Variants in YEATS2 observed in about 807,000 individuals in gnomAD.
The protein encoded by YEATS2 is YEATS domain containing 2.
Under a neutral mutation model 163.2 loss-of-function variants are expected in YEATS2, and 77 were observed. That is an observed-to-expected ratio of 0.47 (90% CI 0.39 to 0.57). The LOEUF is 0.57. YEATS2 is among the 20% of genes least tolerant of loss of function. The probability of loss-of-function intolerance (pLI) is 0.00; values close to 1 mark genes in which losing one functional copy is unlikely to be tolerated. For missense variants in YEATS2, 1,549 were observed against 1,729.8 expected (o/e 0.90, Z 1.85); for synonymous variants, 631 against 645.1 (o/e 0.98, Z 0.33).
intron 9 of YEATS2, among the ~76,000 whole-genome samples, chr3:183,751,177 C>T (rs961172699): frequency 2.6e-5 from 4 of 152,100 alleles, no homozygotes; most frequent in African/African-American, 4.8e-5. Context: ...ATCCAGTTTC[C>T]CTGGCACCAT....
intron 29 of YEATS2, 149 bp downstream of exon 29, chr3:183,808,253 G>A: frequency 1.6e-6 from 1 of 638,656 alleles, no homozygotes; most frequent in Non-Finnish European, 2.6e-6. Context: ...TTGTTTTTTT[G>A]TTTTTTTTCC....
intron 11 of YEATS2, among the ~76,000 whole-genome samples, chr3:183,754,732 C>G (rs1720536883): frequency 6.6e-6 from 1 of 152,112 alleles, no homozygotes; most frequent in South Asian, 2.1e-4. Context: ...AGGCCTTTGG[C>G]ATGGAGTTAA....
intron 21 of YEATS2, chr3:183,793,063 C>T (rs748033442): frequency 2.9e-5 from 31 of 1,068,078 alleles, no homozygotes; most frequent in Admixed American, 4.8e-5. Flanking sequence ...ATAAAAATGT[C>T]GCAGCACTAT....
Position 183,810,612 on chromosome 3 carries a change from C to G in YEATS2, c.*29C>G. Reference sequence around the variant, plus strand: ...GAGTGAGGTGCCCTGGAGAAGCAGGCTTTGAAGGCACAGCGAAGCTGTAAC... The same window carrying G: ...GAGTGAGGTGCCCTGGAGAAGCAGGGTTTGAAGGCACAGCGAAGCTGTAAC... On this transcript the variant is annotated 3_prime_UTR_variant, in exon 31 of 31. Coordinates refer to ENST00000305135, the MANE Select transcript of YEATS2 (RefSeq NM_018023.5). The G allele has an allele frequency of 6.3e-7, 1 of 1,597,452 alleles. No individual in the cohort carries two copies. The highest frequency in any genetic ancestry group is 8.6e-7 in the Non-Finnish European group (1 of 1,165,658).
chr3:183,705,777 C>T (rs950384996), intron 1 of YEATS2, among the ~76,000 whole-genome samples: 5 of 152,134 alleles, frequency 3.3e-5, no homozygotes, highest in African/African-American at 4.8e-5. Context: ...CAGTGGCTCA[C>T]GCCTCTAATC....
At chr3:183,713,253 A>G (rs1187440494) in intron 1 of YEATS2, among the ~76,000 whole-genome samples, 1 of 152,252 alleles carries the variant, frequency 6.6e-6, no homozygotes, top group South Asian at 2.1e-4. Flanking sequence ...GGTTTCACCC[A>G]TTTCACTTCC....
chr3:183,721,233 T>C (rs1481506171), intron 4 of YEATS2, among the ~76,000 whole-genome samples: 1 of 152,224 alleles, frequency 6.6e-6, no homozygotes, highest in African/African-American at 2.4e-5. Context: ...TCAAGAACTT[T>C]GTTGCTTTGA....
At chr3:183,790,739 C>A in intron 20 of YEATS2, 58 bp from the exon 21 acceptor site, 1 of 1,576,368 alleles carries the variant, frequency 6.3e-7, no homozygotes, top group South Asian at 1.1e-5. Flanking sequence ...TCACCGCCGT[C>A]AGTCATCACT....
At chr3:183,729,609 C>T (rs751013550) in intron 7 of YEATS2, among the ~76,000 whole-genome samples, 1 of 152,030 alleles carries the variant, frequency 6.6e-6, no homozygotes, top group Admixed American at 6.6e-5. Flanking sequence ...GTGATTATTT[C>T]ACCAAGATGG....
intron 1 of YEATS2, among the ~76,000 whole-genome samples, chr3:183,711,238 A>G (rs1329817884): frequency 6.6e-6 from 1 of 152,100 alleles, no homozygotes; most frequent in Admixed American, 6.6e-5. Context: ...TGGGAGGCCA[A>G]GGCGGGCGGA....
At chr3:183,749,936 G>A (rs1481039083) in intron 9 of YEATS2, among the ~76,000 whole-genome samples, 1 of 152,060 alleles carries the variant, frequency 6.6e-6, no homozygotes, top group Admixed American at 6.6e-5. Flanking sequence ...TCCTGCCTCA[G>A]CCTCCTGAGT....
chr3:183,718,700 T>C, intron 4 of YEATS2, 108 bp downstream of exon 4: 1 of 983,258 alleles, frequency 1.0e-6, no homozygotes. Context: ...TTTCTGTTTG[T>C]TTTTTGGTTT....
chr3:183,801,407 G>C, intron 24 of YEATS2, 48 bp from the exon 25 acceptor site: 2 of 1,401,488 alleles, frequency 1.4e-6, no homozygotes, highest in Non-Finnish European at 2.0e-6. Context: ...TATAGAAACT[G>C]CTACATGTAT....
chr3:183,704,252 T>G (rs1475074896), intron 1 of YEATS2, among the ~76,000 whole-genome samples: 1 of 152,058 alleles, frequency 6.6e-6, no homozygotes, highest in Admixed American at 6.6e-5. Flanking sequence ...ATTTAGCCTT[T>G]GTTCGTTCTG....
intron 19 of YEATS2, among the ~76,000 whole-genome samples, chr3:183,785,607 G>A (rs2108456279): frequency 6.6e-6 from 1 of 152,068 alleles, no homozygotes; most frequent in African/African-American, 2.4e-5. Flanking sequence ...AGTGAGCTAT[G>A]ATTGTGCCAT....
chr3:183,798,146 C>G lies in YEATS2; in HGVS notation c.3226+95C>G, dbSNP rs1048909485. ...GACTGCTCTGCCTGTGTACAGCCAC[C>G]CTTCAGCTGTCACGGTATTCCCAGC... On this transcript the variant is annotated intron_variant, in intron 22 of 30. Transcript: ENST00000305135. 45 of 1,540,394 alleles carry G rather than the reference C, an allele frequency of 2.9e-5. No homozygotes were observed. The African/African-American group carries it at 5.0e-4, about 17-fold the overall frequency.
chr3:183,720,493 G>A (rs1353083954), intron 4 of YEATS2, among the ~76,000 whole-genome samples: 2 of 152,198 alleles, frequency 1.3e-5, no homozygotes, highest in Non-Finnish European at 2.9e-5. Flanking sequence ...GAGGGTAACA[G>A]TAAATGGTGC....
chr3:183,703,648 G>T (rs925438321), intron 1 of YEATS2, among the ~76,000 whole-genome samples: 1 of 152,152 alleles, frequency 6.6e-6, no homozygotes, highest in African/African-American at 2.4e-5. Context: ...AATTGACATT[G>T]AAATATAGAT....
intron 8 of YEATS2, among the ~76,000 whole-genome samples, chr3:183,737,111 A>T (rs973590525): frequency 1.3e-5 from 2 of 152,218 alleles, no homozygotes; most frequent in Non-Finnish European, 2.9e-5. Context: ...GAAAATTATA[A>T]GGAATAGAAA....
Sources: gnomAD v4.1 joint callset for allele counts (sites outside exome capture counted in the v4.1 genomes callset) on GRCh38, gnomAD v4.1.1 for gene constraint, MANE v1.5 for transcripts, NCBI Gene and HGNC (gene_info 2026-07-23, HGNC 2026-07-21) for gene names.